Variants in ZNF292 observed in about 807,000 individuals in gnomAD.
ZNF292 encodes zinc finger protein 292.
A neutral mutation model predicts 217.9 loss-of-function variants in ZNF292; 26 were observed. The ratio of observed to expected loss-of-function variants is 0.12; its 90% confidence interval spans 0.09 to 0.17. The LOEUF is 0.17. Among genes scored for constraint, ZNF292 ranks in the 10% least tolerant of loss-of-function variants. The pLI is 1.00. For synonymous variants in ZNF292, 1,257 were observed against 1,124.1 expected, an observed-to-expected ratio of 1.12 and a Z score of -2.37; for missense variants, 2,904 against 3,175.2, an observed-to-expected ratio of 0.91 and a Z score of 2.05.
At chr6:87,181,411 G>T (rs970021117) in intron 1 of ZNF292, among the ~76,000 whole-genome samples, 2 of 152,058 alleles carry the variant, frequency 1.3e-5, no homozygotes, top group Non-Finnish European at 2.9e-5. Flanking sequence ...GCTCTCTGCC[G>T]CTCTCCACCG....
intron 1 of ZNF292, among the ~76,000 whole-genome samples, chr6:87,198,434 C>T (rs962719779): frequency 6.6e-6 from 1 of 152,112 alleles, no homozygotes; most frequent in African/African-American, 2.4e-5. Context: ...TTGATCTCCT[C>T]ACCTCGTGAT....
chr6:87,219,896 T>C (rs1772992212), intron 4 of ZNF292, among the ~76,000 whole-genome samples: 1 of 152,226 alleles, frequency 6.6e-6, no homozygotes, highest in Non-Finnish European at 1.5e-5. Context: ...GGTGCGATCA[T>C]GGCTCACCGC....
intron 1 of ZNF292, among the ~76,000 whole-genome samples, chr6:87,158,339 T>C (rs1770613188): frequency 6.6e-6 from 1 of 152,188 alleles, no homozygotes; most frequent in Admixed American, 6.5e-5. Flanking sequence ...TTTATGTTAG[T>C]GATCTTGTCA....
chr6:87,249,413 C>G (rs1348381341), intron 7 of ZNF292: 1 of 368,908 alleles, frequency 2.7e-6, no homozygotes, highest in Admixed American at 3.0e-5. Flanking sequence ...CAGGTATGAG[C>G]CACCACACAT....
rs546837797 is a variant in ZNF292, at chr6:87,179,354, T to C, written c.168+23595T>C. On this transcript the variant is annotated intron_variant, in intron 1 of 7. Coordinates refer to ENST00000369577, the MANE Select transcript of ZNF292 (RefSeq NM_015021.3). Reference sequence around the variant, plus strand: ...TCTTGTATTTTTAGTGGAGACAGGGTTTCACCATGTTGGCCAGGAGGGTCT... The same window carrying C: ...TCTTGTATTTTTAGTGGAGACAGGGCTTCACCATGTTGGCCAGGAGGGTCT... 7.2e-5 allele frequency among the ~76,000 whole-genome samples: 11 copies of C among 152,094 alleles called. No homozygotes were observed. In the South Asian group the frequency reaches 2.1e-3, roughly 29 times the overall value.
chr6:87,237,890 T>G (rs1292948838), intron 5 of ZNF292, among the ~76,000 whole-genome samples: 1 of 152,232 alleles, frequency 6.6e-6, no homozygotes, highest in Non-Finnish European at 1.5e-5. Flanking sequence ...CTTCTTTGGA[T>G]TTTTAAATCT....
chr6:87,168,369 C>A (rs1276544529), intron 1 of ZNF292, among the ~76,000 whole-genome samples: 1 of 152,080 alleles, frequency 6.6e-6, no homozygotes, highest in Non-Finnish European at 1.5e-5. Context: ...AACTAAGCAG[C>A]GCTTTAAAAA....
In ZNF292 at chr6:87,255,893, T is replaced by C. The variant is rs773422576; in HGVS notation, c.2264T>C (p.Met755Thr). 1.9e-6 allele frequency: 3 copies of C among 1,613,802 alleles called. No homozygotes were observed. The highest frequency in any genetic ancestry group is 1.1e-5 in the South Asian group (1 of 91,064). The change falls in exon 8 of 8, where the codon ATG becomes ACG. Residue 755 changes from methionine (M) to threonine (T), a missense_variant. Physicochemically the swap from Met to Thr is moderately conservative, Grantham distance 81. This residue lies in a region of ZNF292 where 216 missense variants were observed against 308.3 expected (regional missense o/e 0.70). Transcript: ENST00000369577. ...CGSKPYICIQ[M>T]KCKAGFNSYA... Reference sequence around the variant, plus strand: ...AGTAAACCATATATCTGTATACAGATGAAATGTAAAGCTGGTTTTAATAGT... The same window carrying C: ...AGTAAACCATATATCTGTATACAGACGAAATGTAAAGCTGGTTTTAATAGT...
intron 1 of ZNF292, among the ~76,000 whole-genome samples, chr6:87,180,320 A>G (rs1285952647): frequency 2.6e-5 from 4 of 152,258 alleles, no homozygotes; most frequent in African/African-American, 9.6e-5. Flanking sequence ...CTGGAAGGAC[A>G]GTGCACAAGG....
intron 1 of ZNF292, among the ~76,000 whole-genome samples, chr6:87,172,222 A>T: frequency 6.6e-6 from 1 of 152,188 alleles, no homozygotes; most frequent in East Asian, 1.9e-4. Flanking sequence ...AGAACAATTT[A>T]TGATAGCCTA....
Position 87,240,846 on chromosome 6 carries a change from A to AT in ZNF292, c.742-2628dup, listed in dbSNP as rs1362996167. ...AATCTGTATTTAGCAGCATATGAAT[A>AT]TATGGCCTTAGTATTCCTGTGCAGG... is the stretch of plus-strand genomic sequence containing the variant. On this transcript the variant is annotated intron_variant, in intron 5 of 7. Coordinates refer to ENST00000369577, the MANE Select transcript of ZNF292 (RefSeq NM_015021.3). Among the ~76,000 whole-genome samples, 3 of 152,262 alleles carry AT rather than the reference A, an allele frequency of 2.0e-5. No homozygotes were observed. In the East Asian group the frequency reaches 5.8e-4, roughly 29 times the overall value.
intron 4 of ZNF292, among the ~76,000 whole-genome samples, chr6:87,228,320 G>C (rs1209305397): frequency 6.6e-6 from 1 of 151,990 alleles, no homozygotes; most frequent in Non-Finnish European, 1.5e-5. Flanking sequence ...ATATATTCTT[G>C]ATATTAATCC....
Position 87,256,005 on chromosome 6 carries a change from A to G in ZNF292, c.2376A>G (p.Glu792=), listed in dbSNP as rs868055865. 6 of 1,607,386 alleles carry G rather than the reference A, an allele frequency of 3.7e-6. No homozygotes were observed. The Middle Eastern group carries it at 9.9e-4, about 266-fold the overall frequency. The change falls in exon 8 of 8, where the codon GAA becomes GAG. Residue 792 remains glutamate, a synonymous_variant. Transcript: ENST00000369577. ...CTAAATGTGGAAGAATTTTTTCGGA[A>G]GCTTATTTACTATATGATCATGAAG... ...MFPKCGRIFS[E]AYLLYDHEAQ... is the part of the protein sequence containing the mutation.
intron 5 of ZNF292, among the ~76,000 whole-genome samples, chr6:87,236,275 G>T (rs1275882426): frequency 6.6e-6 from 1 of 152,228 alleles, no homozygotes; most frequent in Admixed American, 6.5e-5. Context: ...CAATGGCCTG[G>T]ATTGGTGGTG....
intron 1 of ZNF292, among the ~76,000 whole-genome samples, chr6:87,196,285 C>A (rs1383884218): frequency 6.6e-6 from 1 of 151,912 alleles, no homozygotes; most frequent in African/African-American, 2.4e-5. Flanking sequence ...ATGTTTTTTT[C>A]CTCTGGGATA....
intron 1 of ZNF292, among the ~76,000 whole-genome samples, chr6:87,186,964 G>A (rs1398992566): frequency 6.6e-6 from 1 of 152,196 alleles, no homozygotes; most frequent in East Asian, 1.9e-4. Context: ...TAAATGAGGA[G>A]GGTAAGACTA....
At chr6:87,173,207 A>AC (rs1467559227) in intron 1 of ZNF292, among the ~76,000 whole-genome samples, 1 of 3,436 alleles carries the variant, frequency 2.9e-4, no homozygotes, top group Non-Finnish European at 1.4e-3. Flanking sequence ...TAATTTTGGC[A>AC]CAAAAAAAAA....
chr6:87,210,766 C>T (rs1482372915), intron 1 of ZNF292, among the ~76,000 whole-genome samples: 2 of 151,764 alleles, frequency 1.3e-5, no homozygotes, highest in African/African-American at 4.8e-5. Flanking sequence ...GGGAACAGAA[C>T]AAGACTCTGT....
Position 87,262,558 on chromosome 6 carries a change from T to C in ZNF292, c.*757T>C, listed in dbSNP as rs1258073957. 6.6e-6 allele frequency: 1 copy of C among 151,750 alleles called. No homozygotes were observed. The highest frequency in any genetic ancestry group is 1.5e-5 in the Non-Finnish European group (1 of 67,812). The allele number at this position is 151,750 out of a possible 1,614,324, so 9.4% of individuals were successfully genotyped here. ...ATTGGATATAGTTACTATGAGTCCA[T>C]GAAATACAATGGAAATGTGAATAAA... is the stretch of plus-strand genomic sequence containing the variant. On this transcript the variant is annotated 3_prime_UTR_variant, in exon 8 of 8. Coordinates refer to ENST00000369577, the MANE Select transcript of ZNF292 (RefSeq NM_015021.3).
Sources: allele counts gnomAD v4.1 joint callset (sites outside exome capture counted in the v4.1 genomes callset), GRCh38; gene constraint gnomAD v4.1.1; regional missense constraint gnomAD v4.1.1; transcripts MANE v1.5; gene names NCBI Gene and HGNC (gene_info 2026-07-23, HGNC 2026-07-21).